Variants in PXDC1 observed in about 807,000 individuals in gnomAD.
The protein encoded by PXDC1 is PX domain containing 1.
A neutral mutation model predicts 24.4 loss-of-function variants in PXDC1; 13 were observed. That is an observed-to-expected ratio of 0.53 (90% CI 0.35 to 0.85). The LOEUF is 0.85. PXDC1 is among the 40% of genes least tolerant of loss of function. The pLI is 0.01. For missense variants in PXDC1, 344 were observed against 309.3 expected (o/e 1.11, Z -0.84); for synonymous variants, 162 against 124.9 (o/e 1.30, Z -1.98).
intron 3 of PXDC1, among the ~76,000 whole-genome samples, 200 bp from the exon 4 acceptor site, chr6:3,727,862 G>A (rs1490566341): frequency 6.6e-6 from 1 of 151,246 alleles, no homozygotes; most frequent in Admixed American, 6.6e-5. Flanking sequence ...AATCCCCGCA[G>A]GAGCCAGGCC....
chr6:3,729,022 A>G (rs1760136270), intron 3 of PXDC1, among the ~76,000 whole-genome samples: 1 of 152,178 alleles, frequency 6.6e-6, no homozygotes, highest in South Asian at 2.1e-4. Context: ...CCAAGGGATT[A>G]TCTTCTTCCC....
chr6:3,750,086 C>T (rs923053665), intron 1 of PXDC1, among the ~76,000 whole-genome samples: 14 of 152,236 alleles, frequency 9.2e-5, no homozygotes, highest in Non-Finnish European at 2.1e-4. Flanking sequence ...GCTCAGGGCC[C>T]CAACTCGCTG....
chr6:3,751,184 T>C, intron 1 of PXDC1, 92 bp downstream of exon 1: 1 of 1,006,712 alleles, frequency 9.9e-7, no homozygotes, highest in Non-Finnish European at 1.4e-6. Flanking sequence ...AAAGGAGAAG[T>C]CGCAATCTCG....
Position 3,737,536 on chromosome 6 carries a change from G to T in PXDC1, c.349-340C>A. On this transcript the variant is annotated intron_variant, in intron 2 of 4. Transcript: ENST00000380283. The surrounding 1 kb of genome is among the most constrained non-coding windows in gnomAD (Gnocchi z 5.5). ...CCCCACTGGCCAGAAAGAAAGGGAA[G>T]CTTCCAGGAGCTAAGGAGGTCTGCC... The T allele has an allele frequency of 2.7e-6, 1 of 373,144 alleles. No individual in the cohort carries two copies. The allele number at this position is 373,144 out of a possible 1,614,324, so 23.1% of individuals were successfully genotyped here.
At chr6:3,749,183 G>C (rs1760640992) in intron 1 of PXDC1, among the ~76,000 whole-genome samples, 1 of 151,830 alleles carries the variant, frequency 6.6e-6, no homozygotes, top group South Asian at 2.1e-4. Context: ...CTGGTCCCAG[G>C]CTCCCCTCTT....
Position 3,751,471 on chromosome 6 carries a change from C to G in PXDC1, c.61G>C (p.Val21Leu), listed in dbSNP as rs533901228. The stretch of plus-strand genomic sequence containing the variant: ...ACGATGAGCCTGCGGATGCCGTTCA[C>G]CCAGCAGCCGCGCACGAACATGTTC... The part of the protein sequence containing the change: ...LVNMFVRGCW[V>L]NGIRRLIVSR... Residue 21 changes from valine to leucine, a missense_variant, in exon 1 of 5, where the codon GTG (valine) becomes CTG (leucine). Val to Leu is a conservative substitution (Grantham distance 32). Coordinates refer to ENST00000380283, the MANE Select transcript of PXDC1 (RefSeq NM_183373.4). 1.6e-5 allele frequency: 25 copies of G among 1,604,236 alleles called. No individual in the cohort carries two copies. Among genetic ancestry groups the G allele is most frequent in the African/African-American group, 2.7e-5 (2 of 74,488 alleles).
At chr6:3,726,909 A>C (rs1760081547) in intron 4 of PXDC1, among the ~76,000 whole-genome samples, 1 of 152,224 alleles carries the variant, frequency 6.6e-6, no homozygotes, top group Non-Finnish European at 1.5e-5. Context: ...GGAAAGGTTA[A>C]ATAACTTTCT....
Position 3,751,609 on chromosome 6 carries a change from C to T in PXDC1, c.-78G>A, listed in dbSNP as rs544199328. The T allele has an allele frequency of 3.7e-5, 52 of 1,399,026 alleles. 1 individual carries two copies. In the Admixed American group the frequency reaches 1.3e-3, roughly 34 times the overall value. The allele number at this position is 1,399,026 out of a possible 1,614,324, so 86.7% of individuals were successfully genotyped here. A position where few individuals can be genotyped will look rare whatever the true frequency, so the allele number is the denominator to read the frequency against. ...GCAGGAGGCGCGCCCCGGCCGGGGT[C>T]GTCCCGGGTCTGTCCGTGGCCGGGG... On this transcript the variant is annotated 5_prime_UTR_variant, in exon 1 of 5. Transcript: ENST00000380283.
intron 3 of PXDC1, among the ~76,000 whole-genome samples, chr6:3,731,583 T>G (rs1760197248): frequency 6.6e-6 from 1 of 152,258 alleles, no homozygotes; most frequent in South Asian, 2.1e-4. Flanking sequence ...TTCTGTTAAC[T>G]AAATGAAAGA....
intron 1 of PXDC1, chr6:3,751,017 CCCT>C: frequency 2.2e-6 from 1 of 449,592 alleles, no homozygotes; most frequent in Non-Finnish European, 3.9e-6. Context: ...CCGGCGCCCG[CCCT>C]GCCGGCCTCG....
chr6:3,737,000 C>G, intron 3 of PXDC1, 79 bp downstream of exon 3: 4 of 854,870 alleles, frequency 4.7e-6, no homozygotes, highest in Non-Finnish European at 8.1e-6. Flanking sequence ...GCCTCAGAGA[C>G]AGCCAACTGT....
chr6:3,749,494 C>A (rs1020823786), intron 1 of PXDC1, among the ~76,000 whole-genome samples: 1 of 147,948 alleles, frequency 6.8e-6, no homozygotes, highest in Non-Finnish European at 1.5e-5. Flanking sequence ...GTAACAGACC[C>A]AGCACAACTA....
At chr6:3,734,133 A>T (rs1357156168) in intron 3 of PXDC1, among the ~76,000 whole-genome samples, 2 of 152,202 alleles carry the variant, frequency 1.3e-5, no homozygotes, top group African/African-American at 4.8e-5. Context: ...CAATGGCAAC[A>T]TGAGACTCTA....
chr6:3,733,285 C>T (rs9503724), intron 3 of PXDC1, among the ~76,000 whole-genome samples: 60,821 of 152,066 alleles, frequency 0.4, 14,615 homozygotes, highest in Non-Finnish European at 0.54. Flanking sequence ...TGGGGAGCCA[C>T]AGATCCAGAA....
At chr6:3,742,849 A>G (rs1760480109) in intron 1 of PXDC1, among the ~76,000 whole-genome samples, 1 of 152,224 alleles carries the variant, frequency 6.6e-6, no homozygotes, top group East Asian at 1.9e-4. Context: ...CTGAGTATCA[A>G]CAGGGGGCTG....
intron 3 of PXDC1, among the ~76,000 whole-genome samples, chr6:3,732,628 G>A (rs1036033969): frequency 6.6e-6 from 1 of 152,238 alleles, no homozygotes; most frequent in Non-Finnish European, 1.5e-5. Context: ...AGGCTGTACT[G>A]GTTGGAAGCA....
intron 1 of PXDC1, among the ~76,000 whole-genome samples, chr6:3,747,060 G>A (rs1425233842): frequency 6.6e-6 from 1 of 152,014 alleles, no homozygotes; most frequent in South Asian, 2.1e-4. Flanking sequence ...ATGGGCTGGC[G>A]GGCTTGTGAT....
intron 3 of PXDC1, among the ~76,000 whole-genome samples, chr6:3,731,903 G>A (rs1037986098): frequency 2.6e-5 from 4 of 152,256 alleles, no homozygotes; most frequent in Admixed American, 2.6e-4. Context: ...GGGTGGGGCT[G>A]AGGCTGACAG....
At position 3,725,978 on chromosome 6, in the gene PXDC1, GCAGT is replaced by G. The variant is rs34872123; in HGVS notation, c.578+1569_578+1572del. Among the ~76,000 whole-genome samples the G allele has an allele frequency of 0.41, 62,771 of 151,802 alleles. 15,191 individuals are homozygous for G. The highest frequency in any genetic ancestry group is 0.55 in the Non-Finnish European group (37,072 of 67,790). ...CAAGACCTGTCACTCCTGTGCACAT[GCAGT>G]CAGTCCCGGGCAGCTGCAAGAGCCA... On this transcript the variant is annotated intron_variant, in intron 4 of 4. Coordinates refer to ENST00000380283, the MANE Select transcript of PXDC1 (RefSeq NM_183373.4). The surrounding 1 kb of genome is among the most constrained non-coding windows in gnomAD (Gnocchi z 4.8).
Sources: allele counts gnomAD v4.1 joint callset (sites outside exome capture counted in the v4.1 genomes callset), GRCh38; gene constraint gnomAD v4.1.1; non-coding constraint Gnocchi (gnomAD v3.1); transcripts MANE v1.5; gene names NCBI Gene and HGNC (gene_info 2026-07-23, HGNC 2026-07-21).